Variants in ZCCHC7 observed in about 807,000 individuals in gnomAD.
ZCCHC7 encodes the protein zinc finger CCHC domain-containing protein 7.
ZCCHC7 carries 35 observed loss-of-function variants against 52.0 expected under a neutral mutation model. That is an observed-to-expected ratio of 0.67 (90% CI 0.51 to 0.89). The LOEUF (loss-of-function observed/expected upper bound fraction) is 0.89, where lower values mean the gene tolerates loss of function less well. ZCCHC7 is among the 40% of genes least tolerant of loss of function. ZCCHC7 has a pLI of 0.00. For missense variants in ZCCHC7, 574 were observed against 649.1 expected (o/e 0.88, Z 1.26); for synonymous variants, 217 against 221.5 (o/e 0.98, Z 0.18).
At chr9:37,234,512 G>C (rs530240993) in intron 2 of ZCCHC7, among the ~76,000 whole-genome samples, 1 of 152,314 alleles carries the variant, frequency 6.6e-6, no homozygotes, top group Non-Finnish European at 1.5e-5. Flanking sequence ...GGTGTGAATG[G>C]TGTACCCACC....
rs371707444 is a variant in ZCCHC7, at chr9:37,357,204, G to A, written c.1568G>A (p.Arg523Lys). 2.5e-6 allele frequency: 4 copies of A among 1,611,544 alleles called. No homozygotes were observed. Among genetic ancestry groups the A allele is most frequent in the African/African-American group, 1.3e-5 (1 of 74,580 alleles). The change falls in exon 9 of 9, where the codon AGG (arginine) becomes AAG (lysine). Residue 523 changes from arginine (R) to lysine (K), a missense_variant. By Grantham distance (26) the Arg-to-Lys change is conservative (BLOSUM62 2). This residue lies in a region of ZCCHC7 where 168 missense variants were observed against 171.6 expected (regional missense o/e 0.98). Transcript: ENST00000336755. ...AGGGGCAAGCAGAAGAAAAAGGAGAGGTGCTGGGAAGATGATGACAATGAT... is the reference window on the plus strand; with the variant it reads ...AGGGGCAAGCAGAAGAAAAAGGAGAAGTGCTGGGAAGATGATGACAATGAT... ...GKRGKQKKKE[R>K]CWEDDDNDNL...
intron 5 of ZCCHC7, among the ~76,000 whole-genome samples, chr9:37,309,037 A>G (rs993376052): frequency 1.3e-5 from 2 of 152,066 alleles, no homozygotes; most frequent in African/African-American, 4.8e-5. Context: ...TCAAAAAATA[A>G]AATAAAATAG....
chr9:37,353,064 G>GA (rs1339503510), intron 7 of ZCCHC7, among the ~76,000 whole-genome samples: 2 of 151,128 alleles, frequency 1.3e-5, no homozygotes, highest in Non-Finnish European at 1.5e-5. Flanking sequence ...GAAACTTCTG[G>GA]AAAAACTACT....
chr9:37,242,921 G>C (rs1417070374), intron 2 of ZCCHC7, among the ~76,000 whole-genome samples: 1 of 151,798 alleles, frequency 6.6e-6, no homozygotes, highest in African/African-American at 2.4e-5. Flanking sequence ...CAGATTCAGT[G>C]ACAAGTTTGA....
Position 37,126,849 on chromosome 9 carries a change from G to A in ZCCHC7, c.517G>A (p.Val173Met), listed in dbSNP as rs1255721308. The change falls in exon 2 of 9, where the codon GTG becomes ATG. Residue 173 changes from valine to methionine, a missense_variant. By Grantham distance (21) the Val-to-Met change is conservative (BLOSUM62 1). Transcript: ENST00000336755. The part of the protein sequence containing the change: ...EESTISEGDN[V>M]ESWMLLGCEV... The stretch of plus-strand genomic sequence containing the variant: ...GAGCACCATTTCAGAAGGTGATAAT[G>A]TGGAAAGCTGGATGCTACTGGGATG... The A allele has an allele frequency of 3.0e-5, 48 of 1,614,060 alleles. No individual in the cohort carries two copies. The highest frequency in any genetic ancestry group is 3.8e-5 in the Non-Finnish European group (45 of 1,180,034).
intron 2 of ZCCHC7, among the ~76,000 whole-genome samples, chr9:37,289,030 C>G (rs1181874162): frequency 6.6e-6 from 1 of 152,176 alleles, no homozygotes; most frequent in Admixed American, 6.5e-5. Flanking sequence ...CCAGCCTGTC[C>G]AAACTAAATT....
intron 2 of ZCCHC7, among the ~76,000 whole-genome samples, chr9:37,130,753 C>G (rs1842748375): frequency 1.3e-5 from 2 of 151,680 alleles, no homozygotes; most frequent in Non-Finnish European, 2.9e-5. Flanking sequence ...GCCTCGGCCT[C>G]CCAAAGTGCT....
intron 2 of ZCCHC7, among the ~76,000 whole-genome samples, chr9:37,155,428 A>G (rs993480773): frequency 1.3e-5 from 2 of 152,100 alleles, no homozygotes; most frequent in East Asian, 3.8e-4. Context: ...CCAAATTGAT[A>G]TTATTAATAT....
At chr9:37,275,578 A>T (rs1827645018) in intron 2 of ZCCHC7, among the ~76,000 whole-genome samples, 1 of 152,042 alleles carries the variant, frequency 6.6e-6, no homozygotes, top group South Asian at 2.1e-4. Context: ...GTAGGAGTAG[A>T]ATTGTTTTTC....
intron 2 of ZCCHC7, among the ~76,000 whole-genome samples, chr9:37,179,259 T>C (rs1418953478): frequency 6.6e-6 from 1 of 152,216 alleles, no homozygotes; most frequent in Admixed American, 6.5e-5. Flanking sequence ...GATTTATAAG[T>C]CTGTTTTACA....
intron 2 of ZCCHC7, among the ~76,000 whole-genome samples, chr9:37,281,594 AT>A (rs1827961443): frequency 7.2e-6 from 1 of 138,020 alleles, no homozygotes; most frequent in African/African-American, 3.5e-5. Flanking sequence ...ATTTTATCAC[AT>A]GTGATTGTAC....
chr9:37,169,095 C>A (rs1418721969), intron 2 of ZCCHC7, among the ~76,000 whole-genome samples: 2 of 152,110 alleles, frequency 1.3e-5, no homozygotes, highest in Admixed American at 1.3e-4. Context: ...TAATCTTAAC[C>A]TTCCCAGTAA....
chr9:37,189,018 T>G (rs1197031638), intron 2 of ZCCHC7, among the ~76,000 whole-genome samples: 3 of 112,646 alleles, frequency 2.7e-5, no homozygotes, highest in Non-Finnish European at 5.4e-5. Context: ...CTCTCAGATT[T>G]AATATTTTCT....
At chr9:37,134,756 G>T (rs1222279075) in intron 2 of ZCCHC7, among the ~76,000 whole-genome samples, 1 of 151,956 alleles carries the variant, frequency 6.6e-6, no homozygotes, top group African/African-American at 2.4e-5. Context: ...ACGGAATTTC[G>T]CTCTTGTTGC....
chr9:37,197,308 C>T (rs1564172482), intron 2 of ZCCHC7, among the ~76,000 whole-genome samples: 1 of 152,174 alleles, frequency 6.6e-6, no homozygotes. Flanking sequence ...CTCTCCAGAC[C>T]TGACATTGTC....
intron 2 of ZCCHC7, among the ~76,000 whole-genome samples, chr9:37,137,762 A>G (rs958570557): frequency 5.9e-5 from 9 of 152,202 alleles, no homozygotes; most frequent in African/African-American, 2.2e-4. Context: ...CTTTTAACAT[A>G]GGAAAGGATC....
chr9:37,272,425 G>A (rs1827463003), intron 2 of ZCCHC7, among the ~76,000 whole-genome samples: 1 of 141,812 alleles, frequency 7.1e-6, no homozygotes, highest in Admixed American at 7.3e-5. Context: ...ATTATAAATT[G>A]AACACCTATG....
intron 2 of ZCCHC7, among the ~76,000 whole-genome samples, chr9:37,184,774 G>C (rs1822560893): frequency 6.6e-6 from 1 of 152,134 alleles, no homozygotes; most frequent in Non-Finnish European, 1.5e-5. Flanking sequence ...TTAGGAAGTA[G>C]TCACTTGCAT....
intron 2 of ZCCHC7, among the ~76,000 whole-genome samples, chr9:37,198,292 T>C (rs550137918): frequency 6.6e-6 from 1 of 152,328 alleles, no homozygotes; most frequent in Non-Finnish European, 1.5e-5. Context: ...GACTGAATAA[T>C]TTTATTTTCT....
Sources: allele counts gnomAD v4.1 joint callset (sites outside exome capture counted in the v4.1 genomes callset), GRCh38; gene constraint gnomAD v4.1.1; regional missense constraint gnomAD v4.1.1; transcripts MANE v1.5; gene names NCBI Gene and HGNC (gene_info 2026-07-23, HGNC 2026-07-21).